IL3RA: variants seen among roughly 807,000 people sequenced by gnomAD.
The protein encoded by IL3RA is interleukin 3 receptor subunit alpha.
Under a neutral mutation model 52.3 loss-of-function variants are expected in IL3RA, and 73 were observed. That is an observed-to-expected ratio of 1.40 (90% CI 1.16 to 1.70). The LOEUF is 1.70. IL3RA is among the 40% of genes most tolerant of loss of function. IL3RA has a pLI of 0.00. For missense variants in IL3RA, 664 were observed against 504.4 expected (o/e 1.32, Z -3.03); for synonymous variants, 260 against 194.0 (o/e 1.34, Z -2.83).
intron 11 of IL3RA, among the ~76,000 whole-genome samples, chrX:1,381,825 A>G (rs1320152747): frequency 6.6e-6 from 1 of 150,772 alleles, no homozygotes; most frequent in African/African-American, 2.4e-5. Context: ...TACAGGCATG[A>G]GCCACCATGC....
In IL3RA at chrX:1,341,813, C is replaced by G. The variant is rs143572800; in HGVS notation, c.48C>G (p.Leu16=). Residue 16 remains leucine (L), a synonymous_variant, in exon 2 of 12, where the codon CTC becomes CTG. Coordinates refer to ENST00000331035, the MANE Select transcript of IL3RA (RefSeq NM_002183.4). The stretch of plus-strand genomic sequence containing the variant: ...TGCTCCTGATCGCCCTGCCCTGTCT[C>G]CTGCAAACGAAGGAAGGTAAGAACT... ...LTLLLIALPC[L]LQTKEDPNPP... The G allele has an allele frequency of 5.6e-6, 9 of 1,613,946 alleles. No homozygotes were observed. Among genetic ancestry groups the G allele is most frequent in the Admixed American group, 1.7e-5 (1 of 60,006 alleles).
rs776994249 is a variant in IL3RA at position 1,352,636 on chromosome X, C to G, written c.616+130C>G. ...GCCTCTCACATTTCCAGAGGCTGGACGTTGGAGGTCAGCGTGCTGGCTGGC... is the reference window on the plus strand; with the variant it reads ...GCCTCTCACATTTCCAGAGGCTGGAGGTTGGAGGTCAGCGTGCTGGCTGGC... On this transcript the variant is annotated intron_variant, in intron 6 of 11. Transcript: ENST00000331035. 1.9e-5 allele frequency: 19 copies of G among 1,003,086 alleles called. 1 individual carries two copies. The South Asian group carries it at 3.1e-4, about 16-fold the overall frequency. 62.1% of individuals were successfully genotyped at this position (1,003,086 alleles called of 1,614,324 possible).
rs1481980836 is a variant in IL3RA at position 1,365,171 on chromosome X, C to T, written c.793C>T (p.Pro265Ser). Reference protein sequence around the residue: ...RDRTSFQLLNPGTYTVQIRAR... With the variant: ...RDRTSFQLLNSGTYTVQIRAR... ...CAGAACCTCCTTCCAGCTACTCAAT[C>T]CTGGAACGTACACAGTACAAATAAG... Residue 265 changes from proline to serine, a missense_variant, in exon 9 of 12, where the codon CCT becomes TCT. Pro to Ser is a moderately conservative substitution (Grantham distance 74). Transcript: ENST00000331035. The T allele has an allele frequency of 2.5e-6, 4 of 1,610,968 alleles. No homozygotes were observed. The highest frequency in any genetic ancestry group is 2.5e-6 in the Non-Finnish European group (3 of 1,178,638).
intron 8 of IL3RA, among the ~76,000 whole-genome samples, chrX:1,360,027 C>G (rs1286934836): frequency 1.0e-5 from 1 of 98,656 alleles, no homozygotes; most frequent in Non-Finnish European, 2.6e-5. Flanking sequence ...CTTCCCTTCT[C>G]CCCATCTCTC....
In IL3RA at chrX:1,348,614, C is replaced by T. The variant is rs775097296; in HGVS notation, c.298+69C>T. On this transcript the variant is annotated intron_variant, in intron 4 of 11. Coordinates refer to ENST00000331035, the MANE Select transcript of IL3RA (RefSeq NM_002183.4). The stretch of plus-strand genomic sequence containing the variant: ...TCCTTCCCTCTCTCCCTCCCTCTCG[C>T]CTTCGCTGTGTCTTTTTTCTTTTCT... 7.2e-5 allele frequency: 75 copies of T among 1,035,574 alleles called. No individual in the cohort carries two copies. In the African/African-American group the frequency reaches 1.0e-3, roughly 14 times the overall value. 64.1% of individuals were successfully genotyped at this position (1,035,574 alleles called of 1,614,324 possible). A position where few individuals can be genotyped will look rare whatever the true frequency, so the allele number is the denominator to read the frequency against.
chrX:1,367,827 G>T (rs1181452247), intron 9 of IL3RA, among the ~76,000 whole-genome samples: 1 of 149,148 alleles, frequency 6.7e-6, no homozygotes, highest in Non-Finnish European at 1.5e-5. Context: ...CGGGGTGAGC[G>T]GGGTGCGCCA....
chrX:1,361,088 T>C (rs1199783404), intron 8 of IL3RA, among the ~76,000 whole-genome samples: 1 of 98,832 alleles, frequency 1.0e-5, no homozygotes, highest in Non-Finnish European at 1.9e-5. Flanking sequence ...TCCCTTCCCC[T>C]CTCTGTCTCT....
At chrX:1,349,047 G>A (rs1273783710) in intron 4 of IL3RA, among the ~76,000 whole-genome samples, 1 of 139,886 alleles carries the variant, frequency 7.1e-6, no homozygotes, top group African/African-American at 2.7e-5. Context: ...TTGCTCTGTT[G>A]CCCAGGCTGG....
intron 9 of IL3RA, among the ~76,000 whole-genome samples, chrX:1,367,838 T>G (rs1391455272): frequency 6.7e-6 from 1 of 149,270 alleles, no homozygotes; most frequent in African/African-American, 2.5e-5. Context: ...GGGTGCGCCA[T>G]CCTGGGTCAC....
intron 9 of IL3RA, among the ~76,000 whole-genome samples, chrX:1,366,525 C>G (rs747154680): frequency 6.0e-3 from 175 of 29,018 alleles, no homozygotes; most frequent in African/African-American, 0.017. Context: ...GGGGTGAGCC[C>G]GGTGAGCCGG....
intron 10 of IL3RA, among the ~76,000 whole-genome samples, chrX:1,379,708 G>A (rs1180736167): frequency 2.6e-5 from 4 of 152,230 alleles, no homozygotes; most frequent in Non-Finnish European, 5.9e-5. Context: ...GCCAGGATCC[G>A]TCATGCAGAC....
intron 6 of IL3RA, among the ~76,000 whole-genome samples, chrX:1,355,929 C>T (rs373200415): frequency 3.3e-5 from 5 of 152,068 alleles, no homozygotes; most frequent in Admixed American, 6.6e-5. Context: ...AAAAGCTGAA[C>T]GCCTGGTACT....
intron 10 of IL3RA, 73 bp from the exon 11 acceptor site, chrX:1,380,950 G>A (rs1223630338): frequency 7.8e-7 from 1 of 1,284,732 alleles, no homozygotes; most frequent in Non-Finnish European, 1.1e-6. Flanking sequence ...TGTCTGTCCT[G>A]GACACGCTGT....
intron 4 of IL3RA, 38 bp from the exon 5 acceptor site, chrX:1,352,062 G>C (rs746916251): frequency 6.2e-7 from 1 of 1,609,062 alleles, no homozygotes; most frequent in Non-Finnish European, 8.5e-7. Context: ...ACCGCGCCCG[G>C]TCCCGATTCG....
At chrX:1,379,577 G>A (rs17880316) in intron 10 of IL3RA, among the ~76,000 whole-genome samples, 6,383 of 152,342 alleles carry the variant, frequency 0.042, 485 homozygotes, top group African/African-American at 0.15. Flanking sequence ...CCAGGGTGGA[G>A]GAAGCAGGGC....
intron 7 of IL3RA, 113 bp downstream of exon 7, chrX:1,356,449 G>T (rs2086722426): frequency 1.5e-6 from 1 of 664,466 alleles, no homozygotes; most frequent in Middle Eastern, 3.9e-4. Flanking sequence ...TAACGTCACA[G>T]AAGGCATGGA....
chrX:1,368,303 G>C (rs1324865919), intron 9 of IL3RA, among the ~76,000 whole-genome samples: 1 of 152,024 alleles, frequency 6.6e-6, no homozygotes, highest in Non-Finnish European at 1.5e-5. Flanking sequence ...TAGAACTTCT[G>C]GCCGGGCACG....
At chrX:1,356,686 T>G (rs1290611989) in intron 7 of IL3RA, among the ~76,000 whole-genome samples, 11 of 151,260 alleles carry the variant, frequency 7.3e-5, no homozygotes, top group Non-Finnish European at 1.6e-4. Flanking sequence ...GCAGGAGAAT[T>G]GCTTGAACCC....
intron 2 of IL3RA, among the ~76,000 whole-genome samples, chrX:1,343,867 C>G (rs1164993563): frequency 2.7e-5 from 4 of 148,842 alleles, no homozygotes; most frequent in African/African-American, 4.9e-5. Context: ...ACGATCTCAG[C>G]TCACCGCAAC....
Sources: allele counts gnomAD v4.1 joint callset (sites outside exome capture counted in the v4.1 genomes callset), GRCh38; gene constraint gnomAD v4.1.1; transcripts MANE v1.5; gene names NCBI Gene and HGNC (gene_info 2026-07-23, HGNC 2026-07-21).